Variants in CNDP1 observed in about 807,000 individuals in gnomAD.
CNDP1 encodes beta-Ala-His dipeptidase.
In CNDP1, 44 loss-of-function variants were observed where a neutral mutation model predicts 58.1. That is an observed-to-expected ratio of 0.76 (90% CI 0.60 to 0.97). CNDP1 has a LOEUF of 0.97. Among genes scored for constraint, CNDP1 ranks in the 50% least tolerant of loss-of-function variants. The probability of loss-of-function intolerance (pLI) is 0.00; values close to 1 mark genes in which losing one functional copy is unlikely to be tolerated. For missense variants in CNDP1, 616 were observed against 655.1 expected (o/e 0.94, Z 0.65); for synonymous variants, 254 against 252.6 (o/e 1.01, Z -0.05).
intron 5 of CNDP1, 80 bp downstream of exon 5, chr18:74,562,215 A>C: frequency 7.7e-7 from 1 of 1,294,052 alleles, no homozygotes; most frequent in Non-Finnish European, 1.1e-6. Flanking sequence ...CTGTGTTCTG[A>C]GCAAACTGCC....
Position 74,586,359 on chromosome 18 carries a change from A to G in CNDP1, c.*1797A>G, listed in dbSNP as rs4892249. 93,578 of 152,118 alleles carry G rather than the reference A, an allele frequency of 0.62. 29,496 individuals are homozygous for G. The highest frequency in any genetic ancestry group is 0.72 in the South Asian group (3,468 of 4,822). 9.4% of individuals were successfully genotyped at this position (152,118 alleles called of 1,614,324 possible). ...AGTTTGCGCTCATCTAATTATGCAGAGTTTCGTGGTGTTTCTCGATTTTGT... is the reference window on the plus strand; with the variant it reads ...AGTTTGCGCTCATCTAATTATGCAGGGTTTCGTGGTGTTTCTCGATTTTGT... On this transcript the variant is annotated 3_prime_UTR_variant, in exon 12 of 12. Coordinates refer to ENST00000358821, the MANE Select transcript of CNDP1 (RefSeq NM_032649.6).
intron 5 of CNDP1, among the ~76,000 whole-genome samples, chr18:74,563,655 G>T (rs1367124903): frequency 6.6e-6 from 1 of 152,100 alleles, no homozygotes; most frequent in Non-Finnish European, 1.5e-5. Context: ...GAGGTCCTTC[G>T]AGAGTGTTCC....
chr18:74,550,828 C>T (rs1980886842), intron 1 of CNDP1, among the ~76,000 whole-genome samples: 1 of 151,852 alleles, frequency 6.6e-6, no homozygotes, highest in Non-Finnish European at 1.5e-5. Context: ...TCTCGATCTC[C>T]TGACCTCATG....
intron 5 of CNDP1, among the ~76,000 whole-genome samples, chr18:74,565,195 G>A (rs1010359466): frequency 2.0e-5 from 3 of 152,114 alleles, no homozygotes; most frequent in Non-Finnish European, 4.4e-5. Context: ...TTACCTCCCC[G>A]TGGGTCCCTC....
chr18:74,547,616 C>T (rs189186553), intron 1 of CNDP1, among the ~76,000 whole-genome samples: 49 of 152,364 alleles, frequency 3.2e-4, no homozygotes, highest in African/African-American at 1.1e-3. Context: ...CCTCCATCAG[C>T]TAAGCCCACA....
In CNDP1 at chr18:74,572,809, AAAG is replaced by A. The variant is rs1277050390; in HGVS notation, c.841+1542_841+1544del. The stretch of plus-strand genomic sequence containing the variant: ...CTGTATCAAAAAAAAAAAAAAAAAA[AAAG>A]AAAGAAAGAAAGAAAGAAAAATAAT... On this transcript the variant is annotated intron_variant, in intron 7 of 11. Coordinates refer to ENST00000358821, the MANE Select transcript of CNDP1 (RefSeq NM_032649.6). Among the ~76,000 whole-genome samples, 1,277 of 129,816 alleles carry A rather than the reference AAAG, an allele frequency of 9.8e-3. 18 individuals are homozygous for A. Among genetic ancestry groups the A allele is most frequent in the African/African-American group, 0.036 (1,150 of 31,552 alleles). 85.2% of individuals were successfully genotyped at this position (129,816 alleles called of 152,430 possible). A position where few individuals can be genotyped will look rare whatever the true frequency, so the allele number is the denominator to read the frequency against.
chr18:74,570,342 C>T (rs1463866195), intron 6 of CNDP1, among the ~76,000 whole-genome samples: 4 of 152,074 alleles, frequency 2.6e-5, no homozygotes, highest in Admixed American at 2.6e-4. Context: ...CCGGGTGGTC[C>T]AGTGGTCTTG....
At position 74,578,337 on chromosome 18, in the gene CNDP1, G is replaced by A; in HGVS notation, c.1167+10G>A. On this transcript the variant is annotated intron_variant, in intron 9 of 11. Transcript: ENST00000358821. Reference sequence around the variant, plus strand: ...TGCGGTGGAAAAACAGGTAACAAATGCTTATTGTGACAATAACATGTTTCA... The same window carrying A: ...TGCGGTGGAAAAACAGGTAACAAATACTTATTGTGACAATAACATGTTTCA... 1 of 1,594,998 alleles carries A rather than the reference G, an allele frequency of 6.3e-7. No individual in the cohort carries two copies. Among genetic ancestry groups the A allele is most frequent in the Non-Finnish European group, 8.5e-7 (1 of 1,169,642 alleles).
rs148263199 is a variant in CNDP1, at chr18:74,558,116, T to C, written c.154-1207T>C. ...AAGGGTTAGATAAATGCCTTCATAA[T>C]AAAAATAAAAGCTCTACAACCAGAA... On this transcript the variant is annotated intron_variant, in intron 2 of 11. Coordinates refer to ENST00000358821, the MANE Select transcript of CNDP1 (RefSeq NM_032649.6). Among the ~76,000 whole-genome samples, 864 of 152,282 alleles carry C rather than the reference T, an allele frequency of 5.7e-3. 10 individuals carry two copies. The highest frequency in any genetic ancestry group is 0.02 in the African/African-American group (815 of 41,562).
chr18:74,562,394 A>G (rs917814909), intron 5 of CNDP1, among the ~76,000 whole-genome samples: 1 of 152,218 alleles, frequency 6.6e-6, no homozygotes. Flanking sequence ...ACTGTTAACC[A>G]TGTTAAAAAA....
intron 1 of CNDP1, among the ~76,000 whole-genome samples, chr18:74,544,333 A>C (rs1016587880): frequency 6.6e-6 from 1 of 152,244 alleles, no homozygotes; most frequent in East Asian, 1.9e-4. Flanking sequence ...GGCTATGGAA[A>C]GAAGAGAAAC....
At chr18:74,539,675 C>T (rs1980569164) in intron 1 of CNDP1, among the ~76,000 whole-genome samples, 2 of 152,226 alleles carry the variant, frequency 1.3e-5, no homozygotes. Context: ...GCGCGGTGGC[C>T]ATGAGCTCAG....
In CNDP1 at chr18:74,577,176, A is replaced by G. The variant is rs1599102010; in HGVS notation, c.1002+147A>G. The G allele has an allele frequency of 2.0e-5, 14 of 702,850 alleles. No homozygotes were observed. In the East Asian group the frequency reaches 4.3e-4, roughly 22 times the overall value. 43.5% of individuals were successfully genotyped at this position (702,850 alleles called of 1,614,324 possible). A position where few individuals can be genotyped will look rare whatever the true frequency, so the allele number is the denominator to read the frequency against. Reference sequence around the variant, plus strand: ...ATTCCCAGGCATATTTTTGACATTCACAGCCACTTCCCCGTGGGCTGGATC... The same window carrying G: ...ATTCCCAGGCATATTTTTGACATTCGCAGCCACTTCCCCGTGGGCTGGATC... On this transcript the variant is annotated intron_variant, in intron 8 of 11. Transcript: ENST00000358821.
chr18:74,585,996 A>G lies in CNDP1; in HGVS notation c.*1434A>G, dbSNP rs1041122406. On this transcript the variant is annotated 3_prime_UTR_variant, in exon 12 of 12. Coordinates refer to ENST00000358821, the MANE Select transcript of CNDP1 (RefSeq NM_032649.6). ...GCGACAGAGTGAGACTCCGTCTCCAAAAAAAAAAAAAAAAAAAAAAAAAGC... is the reference window on the plus strand; with the variant it reads ...GCGACAGAGTGAGACTCCGTCTCCAGAAAAAAAAAAAAAAAAAAAAAAAGC... The G allele has an allele frequency of 0.024, 96 of 3,988 alleles. No homozygotes were observed. The highest frequency in any genetic ancestry group is 0.045 in the African/African-American group (76 of 1,698). 0.2% of individuals were successfully genotyped at this position (3,988 alleles called of 1,614,324 possible). A position where few individuals can be genotyped will look rare whatever the true frequency, so the allele number is the denominator to read the frequency against.
chr18:74,550,984 C>A lies in CNDP1; in HGVS notation c.25-5354C>A, dbSNP rs190036593. Among the ~76,000 whole-genome samples the A allele has an allele frequency of 5.7e-4, 86 of 152,190 alleles. 1 individual carries two copies. The highest frequency in any genetic ancestry group is 1.1e-3 in the Non-Finnish European group (74 of 68,004). On this transcript the variant is annotated intron_variant, in intron 1 of 11. Transcript: ENST00000358821. Reference sequence around the variant, plus strand: ...ATACAGTTTGGATACGTGTCCCCGCCTAACTCTCATGTCGAAATGTAATCC... The same window carrying A: ...ATACAGTTTGGATACGTGTCCCCGCATAACTCTCATGTCGAAATGTAATCC...
chr18:74,583,206 C>T (rs1297441596), intron 10 of CNDP1, among the ~76,000 whole-genome samples: 6 of 152,044 alleles, frequency 3.9e-5, no homozygotes, highest in Non-Finnish European at 8.8e-5. Flanking sequence ...GGGGTTTCAC[C>T]ATGTTGGCCA....
intron 8 of CNDP1, 99 bp from the exon 9 acceptor site, chr18:74,578,064 C>T (rs1020206453): frequency 1.4e-5 from 15 of 1,102,056 alleles, no homozygotes; most frequent in Non-Finnish European, 2.0e-5. Flanking sequence ...TTAACGTGTC[C>T]TGAATGGTGT....
chr18:74,581,964 C>T (rs1327435153), intron 10 of CNDP1, among the ~76,000 whole-genome samples: 1 of 152,228 alleles, frequency 6.6e-6, no homozygotes, highest in Non-Finnish European at 1.5e-5. Context: ...AGCACTAACT[C>T]TCTCTCAGGG....
chr18:74,567,786 T>C (rs1227849554), intron 6 of CNDP1, among the ~76,000 whole-genome samples: 6 of 152,202 alleles, frequency 3.9e-5, no homozygotes, highest in African/African-American at 1.4e-4. Flanking sequence ...CAGGGGCAAC[T>C]GTGCTGTGTC....
Sources: gnomAD v4.1 joint callset for allele counts (sites outside exome capture counted in the v4.1 genomes callset) on GRCh38, gnomAD v4.1.1 for gene constraint, MANE v1.5 for transcripts, NCBI Gene and HGNC (gene_info 2026-07-23, HGNC 2026-07-21) for gene names.